The following MYO18A variants were observed in gnomAD, a reference collection of about 807,000 sequenced individuals.
The protein encoded by MYO18A is unconventional myosin-XVIIIa.
A neutral mutation model predicts 235.8 loss-of-function variants in MYO18A; 78 were observed. The observed-to-expected ratio is 0.33, with a 90% CI of 0.28 to 0.40. MYO18A has a LOEUF of 0.40. Ranked by LOEUF, MYO18A falls within the 10% of genes least tolerant of loss-of-function variation. The pLI is 1.00. For synonymous variants in MYO18A, 977 were observed against 1,077.8 expected (o/e 0.91, Z 1.83); for missense variants, 2,215 against 2,699.3 (o/e 0.82, Z 3.98).
Position 29,074,833 on chromosome 17 carries a change from T to C in MYO18A, c.6102A>G (p.Arg2034=), listed in dbSNP as rs748946708. 1.5e-5 allele frequency: 25 copies of C among 1,613,896 alleles called. No individual in the cohort carries two copies. In the South Asian group the frequency reaches 2.5e-4, roughly 16 times the overall value. The change falls in exon 42 of 42, where the codon CGA becomes CGG. Residue 2034 remains arginine (R), a synonymous_variant. Coordinates refer to ENST00000527372, the MANE Select transcript of MYO18A (RefSeq NM_078471.4). The surrounding 1 kb of genome is among the most constrained non-coding windows in gnomAD (Gnocchi z 4.4). ...HDPLDNTSRP[R]YSHSYLSDSD... The stretch of plus-strand genomic sequence containing the variant: ...TGTCACTCAGATAACTGTGGGAGTA[T>C]CGCGGTCTGGAGGTGTTGTCGAGAG...
rs1240311133 is a variant in MYO18A, at chr17:29,109,080, TG to T, written c.3331+777del. 1.3e-5 allele frequency among the ~76,000 whole-genome samples: 2 copies of T among 151,294 alleles called. No individual in the cohort carries two copies. Among genetic ancestry groups the T allele is most frequent in the African/African-American group, 2.4e-5 (1 of 41,118 alleles). On this transcript the variant is annotated intron_variant, in intron 19 of 41. Coordinates refer to ENST00000527372, the MANE Select transcript of MYO18A (RefSeq NM_078471.4). The surrounding 1 kb of genome is among the most constrained non-coding windows in gnomAD (Gnocchi z 4.1). ...TGAAGGGGACCTGGCTGTGGGTGGG[TG>T]GGACCCTACCTGCTCTTCTAGTGAA...
At chr17:29,172,483 A>T (rs1214130945) in intron 1 of MYO18A, among the ~76,000 whole-genome samples, 3 of 151,972 alleles carry the variant, frequency 2.0e-5, no homozygotes, top group African/African-American at 4.8e-5. Context: ...AAAATTAAAT[A>T]AAAATGAAAA....
chr17:29,133,206 G>GC (rs2152902800), intron 2 of MYO18A, among the ~76,000 whole-genome samples: 1 of 152,344 alleles, frequency 6.6e-6, no homozygotes, highest in South Asian at 2.1e-4. Flanking sequence ...CCAGCTCTGA[G>GC]CTCAGCTCTG....
chr17:29,085,709 C>T, intron 39 of MYO18A, 61 bp from the exon 40 acceptor site: 1 of 1,574,644 alleles, frequency 6.4e-7, no homozygotes, highest in Non-Finnish European at 8.7e-7. Flanking sequence ...AATCAATCGG[C>T]AACCCAAGGT....
Position 29,122,308 on chromosome 17 carries a change from A to T in MYO18A, c.1000-55T>A, listed in dbSNP as rs572255964. On this transcript the variant is annotated intron_variant, in intron 2 of 41. Coordinates refer to ENST00000527372, the MANE Select transcript of MYO18A (RefSeq NM_078471.4). Reference sequence around the variant, plus strand: ...CCTGCTATGGAAGACAGGGACAAGGACAGCCGTAGAGGGGAGACAAGTGAG... The same window carrying T: ...CCTGCTATGGAAGACAGGGACAAGGTCAGCCGTAGAGGGGAGACAAGTGAG... The T allele has an allele frequency of 1.2e-5, 19 of 1,523,816 alleles. No homozygotes were observed. In the African/African-American group the frequency reaches 2.6e-4, roughly 21 times the overall value. The allele number at this position is 1,523,816 out of a possible 1,614,324, so 94.4% of individuals were successfully genotyped here.
intron 22 of MYO18A, among the ~76,000 whole-genome samples, chr17:29,099,334 T>TA (rs2066599243): frequency 6.6e-6 from 1 of 152,212 alleles, no homozygotes; most frequent in African/African-American, 2.4e-5. Context: ...ATGGACTTGC[T>TA]AATAAGAAAA....
At chr17:29,079,735 T>G (rs1658933619) in intron 41 of MYO18A, 1 of 985,904 alleles carries the variant, frequency 1.0e-6, no homozygotes, top group African/African-American at 1.7e-5. Context: ...ACTGCACTAG[T>G]CGCTCTCGGG....
Position 29,140,335 on chromosome 17 carries a change from C to T in MYO18A, c.1000-18082G>A. 1 of 1,267,962 alleles carries T rather than the reference C, an allele frequency of 7.9e-7. No individual in the cohort carries two copies. The highest frequency in any genetic ancestry group is 1.0e-6 in the Non-Finnish European group (1 of 979,524). The allele number at this position is 1,267,962 out of a possible 1,614,324, so 78.5% of individuals were successfully genotyped here. Reference sequence around the variant, plus strand: ...TCCGGGGTGGGGGGTCAGAGGGACACTCACCCGCATGGCCTGGCCTGGAGC... The same window carrying T: ...TCCGGGGTGGGGGGTCAGAGGGACATTCACCCGCATGGCCTGGCCTGGAGC... On this transcript the variant is annotated intron_variant, in intron 2 of 41. Transcript: ENST00000527372. The surrounding 1 kb of genome is among the most constrained non-coding windows in gnomAD (Gnocchi z 4.2).
chr17:29,089,830 C>A, intron 37 of MYO18A, 131 bp downstream of exon 37: 1 of 1,206,070 alleles, frequency 8.3e-7, no homozygotes, highest in Non-Finnish European at 1.1e-6. Flanking sequence ...TGCCCGTCAG[C>A]TGGCCTGGCA....
chr17:29,105,947 C>T (rs1303056989), intron 20 of MYO18A, among the ~76,000 whole-genome samples: 2 of 152,052 alleles, frequency 1.3e-5, no homozygotes, highest in South Asian at 2.1e-4. Flanking sequence ...CCAGGTGCTG[C>T]GGGAGGCTCA....
At chr17:29,135,067 G>A (rs1050506195) in intron 2 of MYO18A, among the ~76,000 whole-genome samples, 2 of 151,884 alleles carry the variant, frequency 1.3e-5, no homozygotes, top group African/African-American at 4.8e-5. Flanking sequence ...AAAGAATCAG[G>A]GCACTTCAGT....
At chr17:29,098,292 G>A in intron 24 of MYO18A, 64 bp downstream of exon 24, 1 of 1,611,742 alleles carries the variant, frequency 6.2e-7, no homozygotes, top group Non-Finnish European at 8.5e-7. Flanking sequence ...ACACCTGGGG[G>A]ACCTGCAGGG....
intron 2 of MYO18A, among the ~76,000 whole-genome samples, chr17:29,159,131 G>T (rs1226069220): frequency 6.6e-6 from 1 of 152,150 alleles, no homozygotes; most frequent in African/African-American, 2.4e-5. Context: ...GGTACTCCAG[G>T]GCTGCAATTC....
intron 37 of MYO18A, 97 bp from the exon 38 acceptor site, chr17:29,087,218 C>G (rs117884703): frequency 6.3e-6 from 8 of 1,275,180 alleles, no homozygotes; most frequent in Admixed American, 2.2e-5. Context: ...GGCCTGGGGT[C>G]GAGCTCTGGC....
At position 29,125,195 on chromosome 17, in the gene MYO18A, G is replaced by A. The variant is rs2067291797; in HGVS notation, c.1000-2942C>T. Among the ~76,000 whole-genome samples the A allele has an allele frequency of 6.6e-6, 1 of 152,164 alleles. No homozygotes were observed. The highest frequency in any genetic ancestry group is 1.5e-5 in the Non-Finnish European group (1 of 68,018). ...TTCCTTGCCTTCTAACACAGCCCAA[G>A]GGTGCCACTCCCTAGGCCAAGGGCT... On this transcript the variant is annotated intron_variant, in intron 2 of 41. Transcript: ENST00000527372. This position sits in a 1 kb window ranked among gnomAD's most constrained non-coding sequence, Gnocchi z 5.1.
chr17:29,165,824 C>T, intron 2 of MYO18A, 118 bp downstream of exon 2: 1 of 972,592 alleles, frequency 1.0e-6, no homozygotes, highest in Non-Finnish European at 1.5e-6. Context: ...CAGGGCTTCC[C>T]CACTTACACA....
intron 21 of MYO18A, among the ~76,000 whole-genome samples, chr17:29,102,620 G>C (rs908101290): frequency 6.6e-6 from 1 of 152,222 alleles, no homozygotes; most frequent in Non-Finnish European, 1.5e-5. Context: ...CCAAGGAATA[G>C]AGACCAGCAG....
At chr17:29,143,871 C>T (rs955340440) in intron 2 of MYO18A, among the ~76,000 whole-genome samples, 1 of 152,230 alleles carries the variant, frequency 6.6e-6, no homozygotes, top group Admixed American at 6.5e-5. Context: ...GCTACAGCAG[C>T]CTGGCTTCTG....
chr17:29,098,679 G>T, intron 23 of MYO18A, 147 bp downstream of exon 23: 2 of 1,217,378 alleles, frequency 1.6e-6, no homozygotes, highest in East Asian at 2.6e-5. Flanking sequence ...GGCTCAGCCA[G>T]CACCCCAGAG....
Sources: allele counts gnomAD v4.1 joint callset (sites outside exome capture counted in the v4.1 genomes callset), GRCh38; gene constraint gnomAD v4.1.1; non-coding constraint Gnocchi (gnomAD v3.1); transcripts MANE v1.5; gene names NCBI Gene and HGNC (gene_info 2026-07-23, HGNC 2026-07-21).